Variants in CDYL2 observed in about 807,000 individuals in gnomAD.
The protein encoded by CDYL2 is chromodomain Y like 2.
A neutral mutation model predicts 49.4 loss-of-function variants in CDYL2; 23 were observed. The observed-to-expected ratio is 0.47, with a 90% CI of 0.34 to 0.66. The LOEUF is 0.66. Ranked by LOEUF, CDYL2 falls within the 30% of genes least tolerant of loss-of-function variation. The pLI is 0.01. For missense variants in CDYL2, 678 were observed against 656.4 expected (o/e 1.03, Z -0.36); for synonymous variants, 360 against 268.8 (o/e 1.34, Z -3.32).
intron 1 of CDYL2, among the ~76,000 whole-genome samples, chr16:80,686,416 G>A (rs1238345964): frequency 6.6e-6 from 1 of 152,122 alleles, no homozygotes; most frequent in Non-Finnish European, 1.5e-5. Flanking sequence ...ATATTCAAAA[G>A]TTTATTCTAC....
At chr16:80,657,191 A>G (rs1294106422) in intron 2 of CDYL2, among the ~76,000 whole-genome samples, 2 of 152,234 alleles carry the variant, frequency 1.3e-5, no homozygotes, top group Non-Finnish European at 1.5e-5. Flanking sequence ...TTAAATTAAC[A>G]TCATGAAACA....
intron 2 of CDYL2, among the ~76,000 whole-genome samples, chr16:80,674,072 G>A (rs1909641775): frequency 6.6e-6 from 1 of 152,194 alleles, no homozygotes; most frequent in Non-Finnish European, 1.5e-5. Context: ...AAGGGAAGAA[G>A]GTGGTGTTGC....
chr16:80,641,738 G>T (rs1908097265), intron 2 of CDYL2, among the ~76,000 whole-genome samples: 1 of 122,950 alleles, frequency 8.1e-6, no homozygotes, highest in South Asian at 3.1e-4. Context: ...CACACTCTGG[G>T]GACTGTTGTG....
intron 1 of CDYL2, among the ~76,000 whole-genome samples, chr16:80,696,387 G>A (rs1236902694): frequency 6.6e-6 from 1 of 151,986 alleles, no homozygotes; most frequent in African/African-American, 2.4e-5. Context: ...TAATAAAGAT[G>A]AGGGCAGAAA....
chr16:80,768,677 G>A (rs1906808882), intron 1 of CDYL2, among the ~76,000 whole-genome samples: 1 of 152,114 alleles, frequency 6.6e-6, no homozygotes, highest in Non-Finnish European at 1.5e-5. Flanking sequence ...AAATTTTGGG[G>A]AGACATAACT....
chr16:80,764,808 C>T (rs1906658718), intron 1 of CDYL2, among the ~76,000 whole-genome samples: 1 of 151,876 alleles, frequency 6.6e-6, no homozygotes, highest in South Asian at 2.1e-4. Flanking sequence ...AGCCTGTAAT[C>T]CCAGCACTTT....
intron 2 of CDYL2, among the ~76,000 whole-genome samples, chr16:80,666,516 A>G (rs1337333953): frequency 6.6e-6 from 1 of 152,184 alleles, no homozygotes; most frequent in Non-Finnish European, 1.5e-5. Flanking sequence ...TTAAGAGTCT[A>G]CTGTGGCTTC....
At chr16:80,654,074 C>A (rs1908701714) in intron 2 of CDYL2, among the ~76,000 whole-genome samples, 1 of 152,216 alleles carries the variant, frequency 6.6e-6, no homozygotes, top group South Asian at 2.1e-4. Context: ...CTGCCCCGTG[C>A]AGGATGGAGC....
intron 1 of CDYL2, among the ~76,000 whole-genome samples, chr16:80,721,774 G>C (rs1905006234): frequency 6.6e-6 from 1 of 152,236 alleles, no homozygotes; most frequent in East Asian, 1.9e-4. Flanking sequence ...AGGGAAGACA[G>C]AAGATACAGC....
chr16:80,701,765 A>G (rs1904302261), intron 1 of CDYL2, among the ~76,000 whole-genome samples: 1 of 152,358 alleles, frequency 6.6e-6, no homozygotes, highest in East Asian at 1.9e-4. Context: ...CAAAGTCCCA[A>G]TGAGTTCATT....
intron 1 of CDYL2, among the ~76,000 whole-genome samples, chr16:80,795,903 A>C (rs1318698876): frequency 6.6e-6 from 1 of 152,230 alleles, no homozygotes; most frequent in Non-Finnish European, 1.5e-5. Flanking sequence ...ACAGAAGAAG[A>C]GTTTTCAAAA....
chr16:80,622,899 T>C (rs1315935356), intron 3 of CDYL2, among the ~76,000 whole-genome samples: 1 of 152,152 alleles, frequency 6.6e-6, no homozygotes, highest in Non-Finnish European at 1.5e-5. Context: ...TACAGAGCAC[T>C]TGCCCATGAG....
intron 2 of CDYL2, among the ~76,000 whole-genome samples, chr16:80,669,642 T>A (rs996120812): frequency 6.6e-6 from 1 of 151,316 alleles, no homozygotes; most frequent in African/African-American, 2.4e-5. Context: ...AGCAGGAGGG[T>A]CGGTGGGCAA....
chr16:80,629,307 A>G (rs1393428661), intron 3 of CDYL2, among the ~76,000 whole-genome samples: 3 of 152,252 alleles, frequency 2.0e-5, no homozygotes. Flanking sequence ...AGCAGTCCAG[A>G]CAAAATAGCC....
At chr16:80,614,028 T>G (rs772143380) in intron 4 of CDYL2, among the ~76,000 whole-genome samples, 3 of 152,206 alleles carry the variant, frequency 2.0e-5, no homozygotes, top group Non-Finnish European at 4.4e-5. Context: ...TTGCTTGTTT[T>G]TGGATTCTTC....
chr16:80,722,728 T>C (rs1905040142), intron 1 of CDYL2, among the ~76,000 whole-genome samples: 1 of 152,158 alleles, frequency 6.6e-6, no homozygotes, highest in African/African-American at 2.4e-5. Context: ...TGCTCCTTCT[T>C]TGTACAGGGC....
intron 1 of CDYL2, among the ~76,000 whole-genome samples, chr16:80,717,706 C>T (rs56364344): frequency 0.39 from 58,957 of 151,826 alleles, 14,297 homozygotes; most frequent in Middle Eastern, 0.57. Context: ...GGCCCCTGTC[C>T]TTGGGAAGTT....
At chr16:80,719,993 G>A (rs1282584799) in intron 1 of CDYL2, among the ~76,000 whole-genome samples, 2 of 152,162 alleles carry the variant, frequency 1.3e-5, no homozygotes, top group East Asian at 3.9e-4. Flanking sequence ...TATTCCCTGT[G>A]GCTGGCTCAT....
intron 1 of CDYL2, among the ~76,000 whole-genome samples, chr16:80,750,451 G>A (rs527450017): frequency 3.7e-4 from 55 of 146,786 alleles, no homozygotes; most frequent in South Asian, 1.7e-3. Flanking sequence ...CAAACCCAGA[G>A]AGAGAAATAA....
Sources: allele counts gnomAD v4.1 joint callset (sites outside exome capture counted in the v4.1 genomes callset), GRCh38; gene constraint gnomAD v4.1.1; transcripts MANE v1.5; gene names NCBI Gene and HGNC (gene_info 2026-07-23, HGNC 2026-07-21).